The following PLXNA4 variants were observed in gnomAD, a reference collection of about 807,000 sequenced individuals.
PLXNA4 encodes plexin A4, also known as plexin-A4.
Under a neutral mutation model 191.8 loss-of-function variants are expected in PLXNA4, and 44 were observed. The ratio of observed to expected loss-of-function variants is 0.23; its 90% CI spans 0.18 to 0.29. PLXNA4 has a LOEUF of 0.29. Ranked by LOEUF, PLXNA4 falls within the 10% of genes least tolerant of loss-of-function variation. The pLI is 1.00. For synonymous variants in PLXNA4, 1,082 were observed against 1,009.5 expected (o/e 1.07, Z -1.36); for missense variants, 1,800 against 2,488.8 (o/e 0.72, Z 5.89).
In PLXNA4 at chr7:132,548,139, T is replaced by G. The variant is rs1461216055; in HGVS notation, c.-87+28283A>C. Reference sequence around the variant, plus strand: ...GGCTTTGGAAAGTCTCAAAAGAGTTTCTAGGAATGCCACGTCCCAAATCCT... The same window carrying G: ...GGCTTTGGAAAGTCTCAAAAGAGTTGCTAGGAATGCCACGTCCCAAATCCT... On this transcript the variant is annotated intron_variant, in intron 1 of 31. Coordinates refer to ENST00000321063, the MANE Select transcript of PLXNA4 (RefSeq NM_020911.2). 6.6e-5 allele frequency among the ~76,000 whole-genome samples: 10 copies of G among 152,084 alleles called. No homozygotes were observed. The East Asian group carries it at 1.9e-3, about 29-fold the overall frequency.
intron 3 of PLXNA4, among the ~76,000 whole-genome samples, chr7:132,395,307 G>A (rs1793711209): frequency 6.6e-6 from 1 of 152,188 alleles, no homozygotes; most frequent in Non-Finnish European, 1.5e-5. Context: ...ACAAGGGGCT[G>A]GCTGGTGACC....
intron 13 of PLXNA4, among the ~76,000 whole-genome samples, chr7:132,195,436 C>T (rs73499388): frequency 3.0e-4 from 45 of 152,344 alleles, no homozygotes; most frequent in African/African-American, 9.6e-4. Context: ...AACTGACACA[C>T]ACATCCTTAG....
intron 3 of PLXNA4, among the ~76,000 whole-genome samples, chr7:132,344,426 T>C (rs1273693472): frequency 1.3e-5 from 2 of 152,158 alleles, no homozygotes; most frequent in African/African-American, 4.8e-5. Context: ...GAGGGACCAG[T>C]GCAATGGAGG....
chr7:132,399,648 A>G (rs746198597), intron 3 of PLXNA4, among the ~76,000 whole-genome samples: 9 of 152,180 alleles, frequency 5.9e-5, no homozygotes, highest in Non-Finnish European at 1.2e-4. Flanking sequence ...AAGGTCACAC[A>G]TCTGTGCTTT....
chr7:132,594,402 C>T (rs1414375684), intron 2 of PLXNA4, among the ~76,000 whole-genome samples: 2 of 152,210 alleles, frequency 1.3e-5, no homozygotes, highest in African/African-American at 4.8e-5. Flanking sequence ...TCTCAGACTT[C>T]CAGCCTCCAG....
chr7:132,303,569 A>C (rs1801396955), intron 3 of PLXNA4, among the ~76,000 whole-genome samples: 1 of 152,172 alleles, frequency 6.6e-6, no homozygotes, highest in Admixed American at 6.5e-5. Flanking sequence ...ACTCCGTCTC[A>C]AAAAAGAAAA....
intron 2 of PLXNA4, among the ~76,000 whole-genome samples, chr7:132,599,279 GGA>G (rs1346674346): frequency 1.8e-4 from 28 of 152,106 alleles, no homozygotes; most frequent in African/African-American, 6.0e-4. Context: ...TAAATCAACT[GGA>G]ATTTTGATTC....
intron 5 of PLXNA4, among the ~76,000 whole-genome samples, chr7:132,230,916 A>G (rs1203583310): frequency 6.6e-6 from 1 of 152,224 alleles, no homozygotes; most frequent in Non-Finnish European, 1.5e-5. Flanking sequence ...GATAGAAAAG[A>G]CAGGACTCTA....
At chr7:132,542,035 A>G (rs998587206) in intron 1 of PLXNA4, among the ~76,000 whole-genome samples, 1 of 152,240 alleles carries the variant, frequency 6.6e-6, no homozygotes, top group African/African-American at 2.4e-5. Flanking sequence ...GTGCTTTAAA[A>G]AAAATGAAAT....
intron 4 of PLXNA4, among the ~76,000 whole-genome samples, chr7:132,277,167 A>G (rs926331583): frequency 6.6e-6 from 1 of 152,174 alleles, no homozygotes; most frequent in Middle Eastern, 3.2e-3. Flanking sequence ...TTAGAAGTCA[A>G]TTACTAGAAT....
Position 132,124,004 on chromosome 7 carries a change from G to GC in PLXNA4, c.*6474_*6475insG, listed in dbSNP as rs2116459765. 6.6e-6 allele frequency: 1 copy of GC among 152,304 alleles called. No homozygotes were observed. Among genetic ancestry groups the GC allele is most frequent in the South Asian group, 2.1e-4 (1 of 4,816 alleles). 9.4% of individuals were successfully genotyped at this position (152,304 alleles called of 1,614,324 possible). A position where few individuals can be genotyped will look rare whatever the true frequency, so the allele number is the denominator to read the frequency against. ...CAGCAGGACCCTGCTGGAAGAGATG[G>GC]GCTGGCCCCTACATGCTAAAGTGGG... On this transcript the variant is annotated 3_prime_UTR_variant, in exon 32 of 32. Coordinates refer to ENST00000321063, the MANE Select transcript of PLXNA4 (RefSeq NM_020911.2).
At chr7:132,431,882 C>T (rs1563095094) in intron 3 of PLXNA4, among the ~76,000 whole-genome samples, 1 of 152,178 alleles carries the variant, frequency 6.6e-6, no homozygotes, top group Non-Finnish European at 1.5e-5. Context: ...TTTGGAGACA[C>T]GGTTGCTCAC....
At chr7:132,540,552 G>C (rs1043762862) in intron 1 of PLXNA4, among the ~76,000 whole-genome samples, 3 of 144,770 alleles carry the variant, frequency 2.1e-5, no homozygotes, top group African/African-American at 7.6e-5. Context: ...AGAGCAGAAG[G>C]TGTAGTGTGG....
intron 2 of PLXNA4, among the ~76,000 whole-genome samples, chr7:132,636,946 C>T (rs1255252199): frequency 6.6e-6 from 1 of 152,136 alleles, no homozygotes; most frequent in Non-Finnish European, 1.5e-5. Flanking sequence ...CTGCTCCATC[C>T]AGCTCCCCCA....
chr7:132,381,241 C>T (rs758760956), intron 3 of PLXNA4, among the ~76,000 whole-genome samples: 19 of 152,086 alleles, frequency 1.2e-4, no homozygotes, highest in Non-Finnish European at 2.1e-4. Flanking sequence ...TCACAGCTGG[C>T]GTGAGGCAGA....
In PLXNA4 at chr7:132,489,421, TC is replaced by T; in HGVS notation, c.1241del (p.Gly414GlufsTer19). 2 of 1,596,088 alleles carry T rather than the reference TC, an allele frequency of 1.3e-6. No individual in the cohort carries two copies. Among genetic ancestry groups the T allele is most frequent in the Non-Finnish European group, 1.7e-6 (2 of 1,164,924 alleles). On this transcript the variant is annotated frameshift_variant, in exon 3 of 32. Coordinates refer to ENST00000321063, the MANE Select transcript of PLXNA4 (RefSeq NM_020911.2). LOFTEE classifies it high-confidence loss of function. ...GAATTCCACGCACCATGTCGGACAC[TC>T]CCAGGGGAGCATTCATGTCCAGGCC... The part of the protein sequence containing the change: ...FCGLDMNAPL[G>X]VSDMVRGIPV...
chr7:132,482,519 G>C (rs186764581), intron 3 of PLXNA4, among the ~76,000 whole-genome samples: 1 of 152,046 alleles, frequency 6.6e-6, no homozygotes, highest in Non-Finnish European at 1.5e-5. Context: ...ACCCTAAGCC[G>C]GAGGACCCAG....
chr7:132,316,498 A>G (rs1801949669), intron 3 of PLXNA4, among the ~76,000 whole-genome samples: 1 of 152,184 alleles, frequency 6.6e-6, no homozygotes, highest in Non-Finnish European at 1.5e-5. Context: ...AAGATTTTAA[A>G]ACATAGATTT....
At position 132,378,414 on chromosome 7, in the gene PLXNA4, G is replaced by A. The variant is rs532308633; in HGVS notation, c.1372-80192C>T. Among the ~76,000 whole-genome samples, 26 of 152,282 alleles carry A rather than the reference G, an allele frequency of 1.7e-4. No individual in the cohort carries two copies. In the South Asian group the frequency reaches 5.4e-3, roughly 32 times the overall value. On this transcript the variant is annotated intron_variant, in intron 3 of 31. Coordinates refer to ENST00000321063, the MANE Select transcript of PLXNA4 (RefSeq NM_020911.2). ...ATTATTTCTTGAGTCATTGGTTGAT[G>A]CCAAAGTTCTCTACTAGGCAACAAT... is the stretch of plus-strand genomic sequence containing the variant.
Sources: gnomAD v4.1 joint callset for allele counts (sites outside exome capture counted in the v4.1 genomes callset) on GRCh38, gnomAD v4.1.1 for gene constraint, MANE v1.5 for transcripts, NCBI Gene and HGNC (gene_info 2026-07-23, HGNC 2026-07-21) for gene names.